PKHD1: variants seen among roughly 807,000 people sequenced by gnomAD.
PKHD1 encodes the protein PKHD1 ciliary IPT domain containing fibrocystin/polyductin, also known as fibrocystin.
A neutral mutation model predicts 412.0 loss-of-function variants in PKHD1; 291 were observed. The ratio of observed to expected loss-of-function variants is 0.71; its 90% CI spans 0.64 to 0.78. PKHD1 has a LOEUF of 0.78. PKHD1 is among the 30% of genes least tolerant of loss of function. PKHD1 has a pLI of 0.00. For synonymous variants in PKHD1, 1,777 were observed against 1,821.5 expected (o/e 0.98, Z 0.62); for missense variants, 4,825 against 4,950.7 (o/e 0.97, Z 0.76).
intron 53 of PKHD1, among the ~76,000 whole-genome samples, chr6:51,787,419 G>C (rs1434348879): frequency 6.6e-6 from 1 of 151,096 alleles, no homozygotes; most frequent in East Asian, 1.9e-4. Flanking sequence ...TTGGGACTTG[G>C]ATCAAATGGC....
intron 35 of PKHD1, among the ~76,000 whole-genome samples, chr6:51,981,280 G>C (rs2128026624): frequency 7.2e-6 from 1 of 138,952 alleles, no homozygotes; most frequent in South Asian, 2.4e-4. Context: ...CTGCGGTACA[G>C]AGCCCTTTTA....
chr6:51,664,358 G>A (rs2580003), intron 60 of PKHD1, among the ~76,000 whole-genome samples: 75,762 of 152,162 alleles, frequency 0.5, 21,639 homozygotes, highest in Non-Finnish European at 0.65. Flanking sequence ...GGTTTGAATC[G>A]TGCAGGGTTG....
intron 55 of PKHD1, among the ~76,000 whole-genome samples, chr6:51,762,665 ATT>A (rs142571019): frequency 6.8e-6 from 1 of 146,260 alleles, no homozygotes; most frequent in Non-Finnish European, 1.5e-5. Flanking sequence ...ATATATATAT[ATT>A]TTCAGGTATC....
intron 60 of PKHD1, among the ~76,000 whole-genome samples, chr6:51,674,297 T>C (rs1303330409): frequency 7.2e-5 from 11 of 152,142 alleles, no homozygotes; most frequent in African/African-American, 2.7e-4. Flanking sequence ...CTAACGAGTG[T>C]GGTGCTTGGA....
At chr6:51,887,676 G>T (rs769320726) in intron 43 of PKHD1, among the ~76,000 whole-genome samples, 6 of 152,102 alleles carry the variant, frequency 3.9e-5, no homozygotes, top group Non-Finnish European at 8.8e-5. Flanking sequence ...GCCTGCTCCT[G>T]CTTTGCCTTC....
intron 60 of PKHD1, among the ~76,000 whole-genome samples, chr6:51,679,375 G>T (rs998330739): frequency 6.6e-6 from 1 of 151,852 alleles, no homozygotes; most frequent in African/African-American, 2.4e-5. Flanking sequence ...CTAAACAAAA[G>T]TAGTTTCGTT....
intron 35 of PKHD1, among the ~76,000 whole-genome samples, chr6:51,970,146 C>T (rs77221042): frequency 1.3e-5 from 2 of 152,082 alleles, no homozygotes; most frequent in Admixed American, 1.3e-4. Flanking sequence ...TAATATAACT[C>T]GGTATCCCAC....
At chr6:52,017,664 A>G in intron 33 of PKHD1, 35 bp from the exon 34 acceptor site, 1 of 1,529,030 alleles carries the variant, frequency 6.5e-7, no homozygotes, top group East Asian at 2.2e-5. Flanking sequence ...AAAGAACCAC[A>G]GAGAGAACCT....
chr6:51,836,870 T>A (rs1489787740), intron 50 of PKHD1, among the ~76,000 whole-genome samples: 1 of 152,220 alleles, frequency 6.6e-6, no homozygotes, highest in Admixed American at 6.5e-5. Context: ...AGATCATCCA[T>A]GAAATGTATT....
chr6:52,082,799 G>T (rs539272781), intron 3 of PKHD1, among the ~76,000 whole-genome samples: 34 of 152,186 alleles, frequency 2.2e-4, no homozygotes, highest in Non-Finnish European at 4.1e-4. Flanking sequence ...TTACTCTGCT[G>T]GGGATGGATA....
In PKHD1 at chr6:51,748,192, T is replaced by C. The variant is rs1213207753; in HGVS notation, c.9424A>G (p.Thr3142Ala). 1.2e-6 allele frequency: 2 copies of C among 1,614,086 alleles called. No individual in the cohort carries two copies. The highest frequency in any genetic ancestry group is 1.7e-5 in the Admixed American group (1 of 60,006). The change falls in exon 58 of 67, where the codon ACC (threonine) becomes GCC (alanine). Residue 3142 changes from threonine to alanine, a missense_variant. By Grantham distance (58) the Thr-to-Ala change is moderately conservative (BLOSUM62 0). Coordinates refer to ENST00000371117, the MANE Select transcript of PKHD1 (RefSeq NM_138694.4). ...LYKESGLDNC[T>A]RISGFLAFKN... is the part of the protein sequence containing the mutation. Reference sequence around the variant, plus strand: ...AAAGCCAAGAAGCCAGAGATTCTGGTACAGTTGTCAAGTCCACTTTCCTTA... The same window carrying C: ...AAAGCCAAGAAGCCAGAGATTCTGGCACAGTTGTCAAGTCCACTTTCCTTA...
At chr6:52,044,678 C>T (rs1366341756) in intron 25 of PKHD1, among the ~76,000 whole-genome samples, 1 of 151,980 alleles carries the variant, frequency 6.6e-6, no homozygotes, top group Non-Finnish European at 1.5e-5. Context: ...TTGATACCAC[C>T]AGGTAGAAGC....
intron 49 of PKHD1, among the ~76,000 whole-genome samples, chr6:51,848,595 CACCCT>C (rs1404909910): frequency 6.6e-6 from 1 of 152,182 alleles, no homozygotes; most frequent in Non-Finnish European, 1.5e-5. Context: ...TCCAGAGGCA[CACCCT>C]ACTGTTTTCA....
At chr6:51,725,934 G>C (rs1782521785) in intron 60 of PKHD1, among the ~76,000 whole-genome samples, 1 of 152,134 alleles carries the variant, frequency 6.6e-6, no homozygotes, top group Non-Finnish European at 1.5e-5. Context: ...TAGCATTGTT[G>C]TTTTGTTGAT....
chr6:52,042,318 A>G (rs952153145), intron 27 of PKHD1, among the ~76,000 whole-genome samples: 1 of 152,206 alleles, frequency 6.6e-6, no homozygotes, highest in Non-Finnish European at 1.5e-5. Flanking sequence ...ACAAAAATCC[A>G]AAGCATTAAG....
chr6:51,828,410 T>C (rs1007519211), intron 52 of PKHD1, among the ~76,000 whole-genome samples: 1 of 152,116 alleles, frequency 6.6e-6, no homozygotes, highest in Non-Finnish European at 1.5e-5. Context: ...ATACTTAGTA[T>C]GGTGCATGTC....
At position 51,903,948 on chromosome 6, in the gene PKHD1, T is replaced by C. The variant is rs759116312; in HGVS notation, c.6865+38A>G. On this transcript the variant is annotated intron_variant, in intron 42 of 66. Transcript: ENST00000371117. ...CTATAAAATATATGACAATTTTAAA[T>C]ACACTGTAATAGATTTAAAATCAAT... 15 of 1,364,684 alleles carry C rather than the reference T, an allele frequency of 1.1e-5. No homozygotes were observed. In the African/African-American group the frequency reaches 1.7e-4, roughly 16 times the overall value. The allele number at this position is 1,364,684 out of a possible 1,614,324, so 84.5% of individuals were successfully genotyped here.
intron 50 of PKHD1, among the ~76,000 whole-genome samples, chr6:51,838,097 T>C (rs1485495817): frequency 1.3e-5 from 2 of 152,250 alleles, no homozygotes; most frequent in Non-Finnish European, 2.9e-5. Context: ...CTGTTCACGT[T>C]GATTTGTGCA....
chr6:51,918,565 G>A (rs1561876056), intron 37 of PKHD1, among the ~76,000 whole-genome samples: 1 of 152,168 alleles, frequency 6.6e-6, no homozygotes, highest in Non-Finnish European at 1.5e-5. Context: ...CAGTATAGAT[G>A]TGCCGCATTT....
Sources: allele counts gnomAD v4.1 joint callset (sites outside exome capture counted in the v4.1 genomes callset), GRCh38; gene constraint gnomAD v4.1.1; transcripts MANE v1.5; gene names NCBI Gene and HGNC (gene_info 2026-07-23, HGNC 2026-07-21).